PLD1: variants seen among roughly 807,000 people sequenced by gnomAD.
PLD1 encodes phospholipase D1.
In PLD1, 112 loss-of-function variants were observed where a neutral mutation model predicts 137.1. That is an observed-to-expected ratio of 0.82 (90% CI 0.70 to 0.96). The LOEUF (loss-of-function observed/expected upper bound fraction) is 0.96. Among genes scored for constraint, PLD1 ranks in the 40% least tolerant of loss-of-function variants. The pLI, the probability that PLD1 is intolerant of heterozygous loss-of-function variation, is 0.00. For missense variants in PLD1, 1,321 were observed against 1,342.0 expected, an observed-to-expected ratio of 0.98 and a Z score of 0.24; for synonymous variants, 431 against 454.7, an observed-to-expected ratio of 0.95 and a Z score of 0.66.
At chr3:171,726,224 A>C (rs1718494191) in intron 6 of PLD1, 148 bp from the exon 7 acceptor site, 1 of 621,714 alleles carries the variant, frequency 1.6e-6, no homozygotes, top group East Asian at 2.8e-5. Context: ...TTGCACTAAA[A>C]GAGTGCAGAT....
chr3:171,713,040 A>T (rs1279579867), intron 9 of PLD1, among the ~76,000 whole-genome samples: 1 of 152,240 alleles, frequency 6.6e-6, no homozygotes, highest in African/African-American at 2.4e-5. Context: ...TGAACTATAC[A>T]GAGACAAATG....
chr3:171,709,849 G>T, intron 9 of PLD1, 140 bp from the exon 10 acceptor site: 1 of 667,196 alleles, frequency 1.5e-6, no homozygotes, highest in Non-Finnish European at 2.5e-6. Flanking sequence ...ACATTTTTTG[G>T]TAGTATTTCT....
intron 23 of PLD1, among the ~76,000 whole-genome samples, chr3:171,629,304 AG>A (rs1253199323): frequency 3.3e-5 from 5 of 151,862 alleles, no homozygotes; most frequent in African/African-American, 4.8e-5. Context: ...CCAACTTACA[AG>A]GGACGTGAAG....
intron 3 of PLD1, 111 bp downstream of exon 3, chr3:171,737,421 A>C: frequency 9.9e-7 from 1 of 1,013,090 alleles, no homozygotes; most frequent in Non-Finnish European, 1.4e-6. Context: ...AAAACAAACA[A>C]ACAAAAACCT....
chr3:171,645,112 G>C, intron 21 of PLD1, 89 bp from the exon 22 acceptor site: 2 of 824,574 alleles, frequency 2.4e-6, no homozygotes. Flanking sequence ...CATGGTTTTT[G>C]AGATTGAGTG....
At chr3:171,727,530 C>G (rs1443712687) in intron 6 of PLD1, among the ~76,000 whole-genome samples, 1 of 152,162 alleles carries the variant, frequency 6.6e-6, no homozygotes, top group East Asian at 1.9e-4. Flanking sequence ...TAGGCCATGT[C>G]AATAGCAGCC....
intron 19 of PLD1, among the ~76,000 whole-genome samples, chr3:171,670,091 T>C (rs751452014): frequency 6.6e-6 from 1 of 152,172 alleles, no homozygotes; most frequent in African/African-American, 2.4e-5. Flanking sequence ...AAGTAGATAG[T>C]AGAATGATAG....
chr3:171,787,007 T>G lies in PLD1; in HGVS notation c.-32+23392A>C, dbSNP rs376024101. On this transcript the variant is annotated intron_variant, in intron 1 of 26. Coordinates refer to ENST00000351298, the MANE Select transcript of PLD1 (RefSeq NM_002662.5). ...ATTTCCTGTTAAATTCCTCCTAGATTCACTCAATTCATCCAGCCAGCCATT... is the reference window on the plus strand; with the variant it reads ...ATTTCCTGTTAAATTCCTCCTAGATGCACTCAATTCATCCAGCCAGCCATT... 3.3e-5 allele frequency among the ~76,000 whole-genome samples: 5 copies of G among 152,186 alleles called. No individual in the cohort carries two copies. In the South Asian group the frequency reaches 1.0e-3, roughly 31 times the overall value.
intron 23 of PLD1, among the ~76,000 whole-genome samples, chr3:171,620,908 G>A (rs1349861459): frequency 6.6e-6 from 1 of 151,734 alleles, no homozygotes; most frequent in Non-Finnish European, 1.5e-5. Flanking sequence ...AAACTGAGCT[G>A]GAATAGATTA....
At chr3:171,611,433 C>CA (rs1732648076) in intron 25 of PLD1, 2 of 354,828 alleles carry the variant, frequency 5.6e-6, no homozygotes, top group South Asian at 4.4e-5. Context: ...TGAGAAAACA[C>CA]AACAGGGGAC....
intron 23 of PLD1, among the ~76,000 whole-genome samples, chr3:171,622,583 A>C (rs975303966): frequency 1.3e-5 from 2 of 151,946 alleles, no homozygotes; most frequent in African/African-American, 2.4e-5. Context: ...TCCTGATAAA[A>C]GCAATGAAGA....
At position 171,687,460 on chromosome 3, in the gene PLD1, C is replaced by A; in HGVS notation, c.1664G>T (p.Arg555Ile). The A allele has an allele frequency of 6.2e-7, 1 of 1,614,122 alleles. No individual in the cohort carries two copies. The highest frequency in any genetic ancestry group is 8.5e-7 in the Non-Finnish European group (1 of 1,180,026). ...GTAGAGACTAAATTTGGAGAACTTT[C>A]TTGGCTTTCCTATTCCTTTCAGTTT... is the stretch of plus-strand genomic sequence containing the variant. ...DSKLKGIGKP[R>I]KFSKFSLYKQ... is the part of the protein sequence containing the mutation. The change falls in exon 15 of 27, where the codon AGA becomes ATA. Residue 555 changes from arginine to isoleucine, a missense_variant. Coordinates refer to ENST00000351298, the MANE Select transcript of PLD1 (RefSeq NM_002662.5).
intron 1 of PLD1, among the ~76,000 whole-genome samples, chr3:171,766,582 T>C (rs1429208764): frequency 6.6e-6 from 1 of 152,206 alleles, no homozygotes; most frequent in Non-Finnish European, 1.5e-5. Context: ...TTTCCATAAA[T>C]AAAATTGTGA....
chr3:171,676,492 C>T (rs1713363167), intron 18 of PLD1, among the ~76,000 whole-genome samples: 1 of 152,150 alleles, frequency 6.6e-6, no homozygotes, highest in Non-Finnish European at 1.5e-5. Flanking sequence ...CAGCACCTGT[C>T]CCTAGGCACT....
intron 1 of PLD1, among the ~76,000 whole-genome samples, chr3:171,745,966 C>T (rs975335664): frequency 1.3e-5 from 2 of 152,180 alleles, no homozygotes; most frequent in Non-Finnish European, 2.9e-5. Flanking sequence ...GTGGGCTCGG[C>T]AAGTCCCGCA....
Position 171,726,921 on chromosome 3 carries a change from A to G in PLD1, c.607-845T>C, listed in dbSNP as rs114263938. On this transcript the variant is annotated intron_variant, in intron 6 of 26. Transcript: ENST00000351298. ...TTTTCTGCAAAGAGCCAGACAGTAA[A>G]TATTTTGGGCTTTGTGGGCATACAT... Among the ~76,000 whole-genome samples, 707 of 152,328 alleles carry G rather than the reference A, an allele frequency of 4.6e-3. 3 individuals carry two copies. The highest frequency in any genetic ancestry group is 0.016 in the African/African-American group (683 of 41,566).
At chr3:171,782,215 G>A (rs1722823602) in intron 1 of PLD1, among the ~76,000 whole-genome samples, 2 of 152,202 alleles carry the variant, frequency 1.3e-5, no homozygotes, top group Non-Finnish European at 2.9e-5. Flanking sequence ...AATCAAAACA[G>A]TGGTTGCCTC....
intron 24 of PLD1, among the ~76,000 whole-genome samples, chr3:171,616,723 C>T (rs1480072161): frequency 3.9e-5 from 6 of 152,280 alleles, no homozygotes; most frequent in Non-Finnish European, 8.8e-5. Flanking sequence ...CTCTCCCTAA[C>T]GGCCTCTAAA....
chr3:171,702,198 A>G (rs79955026), intron 11 of PLD1, among the ~76,000 whole-genome samples: 7 of 152,178 alleles, frequency 4.6e-5, no homozygotes, highest in Non-Finnish European at 7.4e-5. Context: ...TAAATGACAA[A>G]AAAATGATTG....
Sources: gnomAD v4.1 joint callset for allele counts (sites outside exome capture counted in the v4.1 genomes callset) on GRCh38, gnomAD v4.1.1 for gene constraint, MANE v1.5 for transcripts, NCBI Gene and HGNC (gene_info 2026-07-23, HGNC 2026-07-21) for gene names.